ATG101: variants seen among roughly 807,000 people sequenced by gnomAD.
ATG101 encodes autophagy related 101, also known as autophagy-related protein 101.
ATG101 carries 6 observed loss-of-function variants against 16.7 expected under a neutral mutation model. The ratio of observed to expected loss-of-function variants is 0.36; its 90% CI spans 0.20 to 0.71. The LOEUF (loss-of-function observed/expected upper bound fraction) is 0.71, where lower values mean the gene tolerates loss of function less well. ATG101 is among the 30% of genes least tolerant of loss of function. The pLI, the probability that ATG101 is intolerant of heterozygous loss-of-function variation, is 0.57. For synonymous variants in ATG101, 108 were observed against 118.1 expected (o/e 0.91, Z 0.56); for missense variants, 200 against 292.5 (o/e 0.68, Z 2.31).
At chr12:52,065,525 G>C (rs1415615302), upstream of ATG101, among the ~76,000 whole-genome samples, 1 of 117,958 alleles carries the variant, frequency 8.5e-6, no homozygotes, top group African/African-American at 4.3e-5. Flanking sequence ...TCCCCTCCCT[G>C]ATGGGACTAC....
upstream of ATG101, among the ~76,000 whole-genome samples, chr12:52,065,911 CTT>C (rs1181216867): frequency 2.4e-4 from 37 of 152,152 alleles, no homozygotes; most frequent in Admixed American, 2.4e-3. Context: ...GAGTTTCGCT[CTT>C]GTTGCCTAGG....
chr12:52,065,850 A>G (rs1939543300), upstream of ATG101, among the ~76,000 whole-genome samples: 1 of 152,304 alleles, frequency 6.6e-6, no homozygotes, highest in Non-Finnish European at 1.5e-5. Flanking sequence ...TCTCCCCCAT[A>G]CATATGTGGC....
At chr12:52,075,696 C>G (rs1385383769) in intron 3 of ATG101, among the ~76,000 whole-genome samples, 2 of 152,200 alleles carry the variant, frequency 1.3e-5, no homozygotes, top group Admixed American at 6.5e-5. Flanking sequence ...CATGGGGTGG[C>G]AAGGGCAGAA....
rs1264453935 is a variant in ATG101 at position 52,076,776 on chromosome 12, T to C, written c.253-10T>C. 2.5e-6 allele frequency: 4 copies of C among 1,610,442 alleles called. No individual in the cohort carries two copies. Among genetic ancestry groups the C allele is most frequent in the African/African-American group, 1.3e-5 (1 of 74,890 alleles). On this transcript the variant is annotated splice_polypyrimidine_tract_variant and intron_variant, in intron 3 of 3. Transcript: ENST00000336854. ...GGCCTTGGCTTGCTCATTCGTTCCCTTCTTCCCAGGATGCACTGCGCAACT... is the reference window on the plus strand; with the variant it reads ...GGCCTTGGCTTGCTCATTCGTTCCCCTCTTCCCAGGATGCACTGCGCAACT...
intron 2 of ATG101, chr12:52,071,158 A>C (rs1463498195): frequency 1.3e-5 from 2 of 149,718 alleles, no homozygotes; most frequent in African/African-American, 5.1e-5. Context: ...GCTGATCGCC[A>C]GCTGAGAGGC....
chr12:52,067,892 G>A (rs1247194268), upstream of ATG101, among the ~76,000 whole-genome samples: 3 of 151,770 alleles, frequency 2.0e-5, no homozygotes, highest in East Asian at 3.9e-4. Context: ...CACCATGCCC[G>A]GCCCAATTTC....
intron 2 of ATG101, 95 bp downstream of exon 2, chr12:52,070,578 A>G (rs1473551470): frequency 6.6e-6 from 1 of 152,194 alleles, no homozygotes; most frequent in Admixed American, 6.6e-5. Context: ...GACTTTCCAG[A>G]CCCTACTCTG....
At position 52,070,037 on chromosome 12, in the gene ATG101, T is replaced by A. The variant is rs1278496949; in HGVS notation, c.-412T>A. The A allele has an allele frequency of 6.6e-6, 1 of 152,300 alleles. No individual in the cohort carries two copies. The highest frequency in any genetic ancestry group is 1.5e-5 in the Non-Finnish European group (1 of 68,210). The allele number at this position is 152,300 out of a possible 1,614,324, so 9.4% of individuals were successfully genotyped here. ...GGAGCCTGCCGGGAGAGTGGTGGCA[T>A]CTGAGAGGCTGGTCGTGGACTGTGG... On this transcript the variant is annotated 5_prime_UTR_variant, in exon 1 of 4. Transcript: ENST00000336854.
upstream of ATG101, among the ~76,000 whole-genome samples, chr12:52,068,049 CTT>C (rs761821131): frequency 2.4e-4 from 33 of 138,328 alleles, no homozygotes; most frequent in Middle Eastern, 4.0e-3. Flanking sequence ...GAAAAATCAG[CTT>C]TTTTTTTTTT....
chr12:52,075,814 C>A (rs1035943316), intron 3 of ATG101, among the ~76,000 whole-genome samples: 1 of 152,158 alleles, frequency 6.6e-6, no homozygotes, highest in Non-Finnish European at 1.5e-5. Flanking sequence ...TGGTTTCCCT[C>A]TTTTTGAGCA....
intron 3 of ATG101, among the ~76,000 whole-genome samples, chr12:52,076,504 C>T (rs1939732892): frequency 6.6e-6 from 1 of 152,210 alleles, no homozygotes; most frequent in African/African-American, 2.4e-5. Flanking sequence ...GAATACGTGC[C>T]TGCAGACCAG....
Position 52,073,736 on chromosome 12 carries a change from T to C in ATG101, c.86T>C (p.Leu29Pro). ...ATGCTGGCTGTGCTGCACACGGTGCTTCTGCACCGCAGCACAGGCAAGTTC... is the reference window on the plus strand; with the variant it reads ...ATGCTGGCTGTGCTGCACACGGTGCCTCTGCACCGCAGCACAGGCAAGTTC... ...EAMLAVLHTV[L>P]LHRSTGKFHY... The change falls in exon 3 of 4, where the codon CTT becomes CCT. Residue 29 changes from leucine (L) to proline (P), a missense_variant. Leu to Pro is a moderately conservative substitution (Grantham distance 98). Coordinates refer to ENST00000336854, the MANE Select transcript of ATG101 (RefSeq NM_021934.5). The C allele has an allele frequency of 6.2e-7, 1 of 1,614,174 alleles. No homozygotes were observed. The highest frequency in any genetic ancestry group is 8.5e-7 in the Non-Finnish European group (1 of 1,180,024).
At chr12:52,073,953 G>C in intron 3 of ATG101, 51 bp downstream of exon 3, 1 of 1,589,478 alleles carries the variant, frequency 6.3e-7, no homozygotes, top group Non-Finnish European at 8.6e-7. Flanking sequence ...CAGATGGCAG[G>C]GGGGCCTCGA....
intron 3 of ATG101, 144 bp from the exon 4 acceptor site, chr12:52,076,642 T>A: frequency 9.8e-7 from 1 of 1,020,324 alleles, no homozygotes. Flanking sequence ...CCCAAATCGT[T>A]TACCCTCTCC....
At chr12:52,075,362 A>G (rs2120626796) in intron 3 of ATG101, among the ~76,000 whole-genome samples, 1 of 152,350 alleles carries the variant, frequency 6.6e-6, no homozygotes, top group African/African-American at 2.4e-5. Flanking sequence ...GCCACCCAGC[A>G]AGTGTGTGAC....
At position 52,076,910 on chromosome 12, in the gene ATG101, T is replaced by A; in HGVS notation, c.377T>A (p.Val126Glu). 1 of 1,614,098 alleles carries A rather than the reference T, an allele frequency of 6.2e-7. No individual in the cohort carries two copies. Among genetic ancestry groups the A allele is most frequent in the Non-Finnish European group, 8.5e-7 (1 of 1,180,022 alleles). ...CCATGGGAAGTGTGGACGGTCAAGG[T>A]GCATGTGGTAGCCCTGGCCACGGAG... ...CIPWEVWTVK[V>E]HVVALATEQE... is the part of the protein sequence containing the mutation. Residue 126 changes from valine (V) to glutamate (E), a missense_variant, in exon 4 of 4, where the codon GTG (valine) becomes GAG (glutamate). Physicochemically the swap from Val to Glu is moderately radical, Grantham distance 121. Coordinates refer to ENST00000336854, the MANE Select transcript of ATG101 (RefSeq NM_021934.5).
chr12:52,072,475 C>T (rs925238988), intron 2 of ATG101, among the ~76,000 whole-genome samples: 7 of 152,230 alleles, frequency 4.6e-5, no homozygotes, highest in African/African-American at 1.2e-4. Context: ...ACCGCCCACA[C>T]CTGATTATGC....
rs1456387681 is a variant in ATG101, at chr12:52,073,648, A to G, written c.-3A>G. On this transcript the variant is annotated 5_prime_UTR_variant, in exon 3 of 4. Coordinates refer to ENST00000336854, the MANE Select transcript of ATG101 (RefSeq NM_021934.5). Reference sequence around the variant, plus strand: ...CACCTTGGTGTGGGTTACTGGGTGCAGGATGAACTGTCGCTCGGAGGTGCT... The same window carrying G: ...CACCTTGGTGTGGGTTACTGGGTGCGGGATGAACTGTCGCTCGGAGGTGCT... The G allele has an allele frequency of 3.1e-6, 5 of 1,612,174 alleles. No individual in the cohort carries two copies. The highest frequency in any genetic ancestry group is 1.1e-5 in the South Asian group (1 of 91,018).
chr12:52,071,409 GTGGAATAGC>G (rs573562756), intron 2 of ATG101: 27 of 152,300 alleles, frequency 1.8e-4, no homozygotes, highest in African/African-American at 6.5e-4. Context: ...TGAGGGGGTG[GTGGAATAGC>G]TGCCCCTAAA....
Sources: gnomAD v4.1 joint callset for allele counts (sites outside exome capture counted in the v4.1 genomes callset) on GRCh38, gnomAD v4.1.1 for gene constraint, MANE v1.5 for transcripts, NCBI Gene and HGNC (gene_info 2026-07-23, HGNC 2026-07-21) for gene names.